The following GAREM1 variants were observed in gnomAD, a reference collection of about 807,000 sequenced individuals.
GAREM1 encodes the protein GRB2-associated and regulator of MAPK protein 1.
In GAREM1, 26 loss-of-function variants were observed where a neutral mutation model predicts 71.3. The observed-to-expected ratio is 0.36, with a 90% CI of 0.27 to 0.51. The LOEUF (loss-of-function observed/expected upper bound fraction) is 0.51, where lower values mean the gene tolerates loss of function less well. Among genes scored for constraint, GAREM1 ranks in the 20% least tolerant of loss-of-function variants. The pLI, the probability that GAREM1 is intolerant of heterozygous loss-of-function variation, is 0.95. For synonymous variants in GAREM1, 440 were observed against 433.2 expected (o/e 1.02, Z -0.20); for missense variants, 1,026 against 1,103.1 (o/e 0.93, Z 0.99).
At chr18:32,440,419 T>C (rs1005831208) in intron 1 of GAREM1, among the ~76,000 whole-genome samples, 5 of 152,232 alleles carry the variant, frequency 3.3e-5, no homozygotes, top group Non-Finnish European at 7.3e-5. Flanking sequence ...CCCTGCTTAA[T>C]ATTGTAATTA....
intron 1 of GAREM1, among the ~76,000 whole-genome samples, chr18:32,394,431 G>T (rs540373256): frequency 4.7e-4 from 72 of 152,034 alleles, no homozygotes; most frequent in African/African-American, 1.7e-3. Context: ...AAAATAAAAA[G>T]GTTAAAACAG....
At chr18:32,424,148 G>C (rs958435416) in intron 1 of GAREM1, among the ~76,000 whole-genome samples, 2 of 136,162 alleles carry the variant, frequency 1.5e-5, no homozygotes, top group Non-Finnish European at 3.2e-5. Flanking sequence ...CCACCAGCCA[G>C]AAAAAAAAAA....
At chr18:32,419,007 G>C (rs1360256976) in intron 1 of GAREM1, among the ~76,000 whole-genome samples, 1 of 152,182 alleles carries the variant, frequency 6.6e-6, no homozygotes, top group Non-Finnish European at 1.5e-5. Context: ...TTCTCATCTG[G>C]AATTCAGGGT....
At chr18:32,435,012 G>A (rs73954806) in intron 1 of GAREM1, among the ~76,000 whole-genome samples, 13,242 of 152,056 alleles carry the variant, frequency 0.087, 652 homozygotes, top group African/African-American at 0.14. Flanking sequence ...AGAGCGCATC[G>A]TCTCATCTCT....
At chr18:32,387,627 T>C (rs2048161227) in intron 2 of GAREM1, among the ~76,000 whole-genome samples, 1 of 151,864 alleles carries the variant, frequency 6.6e-6, no homozygotes, top group South Asian at 2.1e-4. Flanking sequence ...GGATCAATTA[T>C]TTGGTATACC....
intron 2 of GAREM1, among the ~76,000 whole-genome samples, chr18:32,372,107 T>C (rs1387722696): frequency 1.3e-5 from 2 of 152,198 alleles, no homozygotes; most frequent in African/African-American, 2.4e-5. Flanking sequence ...TTTAAATTAA[T>C]TGAAATTTCA....
At chr18:32,307,269 C>T (rs2047265216) in intron 3 of GAREM1, among the ~76,000 whole-genome samples, 1 of 151,990 alleles carries the variant, frequency 6.6e-6, no homozygotes, top group South Asian at 2.1e-4. Flanking sequence ...TTTTTAACTG[C>T]AAGTGCTTTT....
intron 2 of GAREM1, among the ~76,000 whole-genome samples, chr18:32,329,911 A>C (rs377766816): frequency 3.9e-5 from 6 of 152,196 alleles, no homozygotes; most frequent in African/African-American, 1.4e-4. Context: ...AATTTCACAC[A>C]AGAGTGTCGG....
intron 3 of GAREM1, among the ~76,000 whole-genome samples, chr18:32,306,468 C>CG (rs983055804): frequency 7.1e-6 from 1 of 141,282 alleles, no homozygotes; most frequent in South Asian, 2.3e-4. Flanking sequence ...CAGCAACCCC[C>CG]CCCACCCACT....
At chr18:32,296,203 C>T (rs760144488) in intron 3 of GAREM1, among the ~76,000 whole-genome samples, 2 of 152,120 alleles carry the variant, frequency 1.3e-5, no homozygotes, top group African/African-American at 2.4e-5. Context: ...CCTTGTGATC[C>T]GCCTGCCTCA....
At chr18:32,412,401 C>A (rs2048428895) in intron 1 of GAREM1, 4 of 1,584,240 alleles carry the variant, frequency 2.5e-6, no homozygotes, top group African/African-American at 1.3e-5. Flanking sequence ...ATCATTGTAG[C>A]TTCCACCACC....
At chr18:32,383,137 T>A (rs2048113390) in intron 2 of GAREM1, among the ~76,000 whole-genome samples, 1 of 152,250 alleles carries the variant, frequency 6.6e-6, no homozygotes, top group Non-Finnish European at 1.5e-5. Flanking sequence ...GGACAAACCC[T>A]ACGGTGTTCT....
Position 32,357,111 on chromosome 18 carries a change from T to A in GAREM1, c.262+35784A>T, listed in dbSNP as rs188931433. 1.8e-3 allele frequency among the ~76,000 whole-genome samples: 269 copies of A among 152,186 alleles called. 1 individual carries two copies. Among genetic ancestry groups the A allele is most frequent in the African/African-American group, 6.3e-3 (260 of 41,522 alleles). The stretch of plus-strand genomic sequence containing the variant: ...TTCTTGTTTCATATCCTTCACACAC[T>A]CCGTTCCCTGTACTTGCAATACTAC... On this transcript the variant is annotated intron_variant, in intron 2 of 5. Transcript: ENST00000269209.
At chr18:32,368,580 C>T (rs964451983) in intron 2 of GAREM1, among the ~76,000 whole-genome samples, 1 of 152,144 alleles carries the variant, frequency 6.6e-6, no homozygotes, top group African/African-American at 2.4e-5. Context: ...TTATTTATAA[C>T]CTCTAGATGG....
intron 1 of GAREM1, among the ~76,000 whole-genome samples, chr18:32,435,069 ACAAT>A (rs1033841154): frequency 8.1e-4 from 123 of 152,282 alleles, no homozygotes; most frequent in African/African-American, 2.8e-3. Context: ...CAACCTCAAC[ACAAT>A]CAAGATAAAA....
intron 2 of GAREM1, among the ~76,000 whole-genome samples, chr18:32,338,336 C>T (rs1332255000): frequency 2.0e-5 from 3 of 152,016 alleles, no homozygotes; most frequent in Admixed American, 1.3e-4. Context: ...TGTTTGGGGG[C>T]ATGGCAGGGA....
chr18:32,370,844 C>T (rs1444856437), intron 2 of GAREM1, among the ~76,000 whole-genome samples: 2 of 152,102 alleles, frequency 1.3e-5, no homozygotes, highest in East Asian at 1.9e-4. Flanking sequence ...TGTTTACAAT[C>T]TTTATATATA....
intron 2 of GAREM1, among the ~76,000 whole-genome samples, chr18:32,315,527 A>G (rs1428951307): frequency 1.4e-5 from 2 of 147,538 alleles, no homozygotes; most frequent in African/African-American, 4.9e-5. Context: ...AAAAATATAT[A>G]TAAAAGTAGA....
intron 2 of GAREM1, among the ~76,000 whole-genome samples, chr18:32,376,634 T>G (rs955776697): frequency 1.3e-4 from 19 of 151,936 alleles, no homozygotes; most frequent in African/African-American, 4.6e-4. Flanking sequence ...GGTCAGAAGT[T>G]CGAGACCAGC....
Sources: allele counts gnomAD v4.1 joint callset (sites outside exome capture counted in the v4.1 genomes callset), GRCh38; gene constraint gnomAD v4.1.1; transcripts MANE v1.5; gene names NCBI Gene and HGNC (gene_info 2026-07-23, HGNC 2026-07-21).